Variants in CSMD1 observed in about 807,000 individuals in gnomAD.
CSMD1 encodes CUB and sushi domain-containing protein 1.
In CSMD1, 213 loss-of-function variants were observed where a neutral mutation model predicts 417.5. The ratio of observed to expected loss-of-function variants is 0.51; its 90% CI spans 0.46 to 0.57. The LOEUF (loss-of-function observed/expected upper bound fraction) is 0.57. CSMD1 is among the 20% of genes least tolerant of loss of function. The pLI is 0.00. For synonymous variants in CSMD1, 2,862 were observed against 1,736.8 expected (o/e 1.65, Z -16.11); for missense variants, 6,923 against 4,529.7 (o/e 1.53, Z -15.17).
chr8:4,804,326 A>G (rs1798469402), intron 1 of CSMD1, among the ~76,000 whole-genome samples: 1 of 152,218 alleles, frequency 6.6e-6, no homozygotes, highest in Non-Finnish European at 1.5e-5. Flanking sequence ...AACTCATGCT[A>G]TGGAATGTTC....
intron 54 of CSMD1, among the ~76,000 whole-genome samples, chr8:2,993,188 C>T (rs368946399): frequency 3.3e-5 from 5 of 152,046 alleles, no homozygotes; most frequent in South Asian, 4.1e-4. Flanking sequence ...ATTTTACGTG[C>T]GTTTTAAAAC....
At chr8:2,973,392 A>C (rs1436416495) in intron 56 of CSMD1, 93 bp from the exon 57 acceptor site, 4 of 1,313,560 alleles carry the variant, frequency 3.0e-6, no homozygotes, top group Admixed American at 4.3e-5. Context: ...AAGTTGTTGA[A>C]ATTTGTGTTT....
intron 2 of CSMD1, among the ~76,000 whole-genome samples, chr8:4,587,046 T>C (rs928978697): frequency 6.6e-6 from 1 of 152,220 alleles, no homozygotes; most frequent in African/African-American, 2.4e-5. Context: ...ATGAATGCTT[T>C]CATCTCTTTT....
chr8:3,441,066 G>C (rs978520330), intron 12 of CSMD1, among the ~76,000 whole-genome samples: 2 of 152,162 alleles, frequency 1.3e-5, no homozygotes, highest in African/African-American at 4.8e-5. Context: ...AACACATAGA[G>C]GAGAAAACAG....
In CSMD1 at chr8:3,235,916, G is replaced by GTTTTTTTTTTTTTTT. The variant is rs11414439; in HGVS notation, c.4154-5700_4154-5686dup. Among the ~76,000 whole-genome samples, 20 of 119,342 alleles carry GTTTTTTTTTTTTTTT rather than the reference G, an allele frequency of 1.7e-4. No homozygotes were observed. In the East Asian group the frequency reaches 2.3e-3, roughly 14 times the overall value. The allele number at this position is 119,342 out of a possible 152,430, so 78.3% of individuals were successfully genotyped here. On this transcript the variant is annotated intron_variant, in intron 26 of 69. Coordinates refer to ENST00000635120, the MANE Select transcript of CSMD1 (RefSeq NM_033225.6). Reference sequence around the variant, plus strand: ...TTATGCCAGTTATATGAAGATGTAAGTTTTTTTTTTTTTTTTTTTGAGACA... The same window carrying GTTTTTTTTTTTTTTT: ...TTATGCCAGTTATATGAAGATGTAAGTTTTTTTTTTTTTTTTTTTTTTTTTTTTTTTTTTGAGACA...
At chr8:3,041,365 C>G (rs563308751) in intron 50 of CSMD1, among the ~76,000 whole-genome samples, 9 of 152,176 alleles carry the variant, frequency 5.9e-5, no homozygotes, top group African/African-American at 2.2e-4. Context: ...ATTACTTGTT[C>G]TCTGATCCCA....
chr8:2,951,379 G>A (rs1802620148), intron 65 of CSMD1, 104 bp from the exon 66 acceptor site: 1 of 1,190,402 alleles, frequency 8.4e-7, no homozygotes, highest in Non-Finnish European at 1.1e-6. Flanking sequence ...AGCGATCACA[G>A]ATGAGGGCAG....
intron 2 of CSMD1, among the ~76,000 whole-genome samples, chr8:4,489,176 T>C (rs1475453610): frequency 1.3e-5 from 2 of 152,174 alleles, no homozygotes; most frequent in Non-Finnish European, 2.9e-5. Flanking sequence ...CCTCCCAAAA[T>C]GCTGGGATAA....
chr8:3,032,820 C>T (rs1810431663), intron 50 of CSMD1, among the ~76,000 whole-genome samples: 2 of 152,066 alleles, frequency 1.3e-5, no homozygotes, highest in South Asian at 4.1e-4. Flanking sequence ...CAAAATTTCA[C>T]TTGCACACCC....
At chr8:4,889,992 A>T (rs1021505636) in intron 1 of CSMD1, among the ~76,000 whole-genome samples, 1 of 152,138 alleles carries the variant, frequency 6.6e-6, no homozygotes, top group Non-Finnish European at 1.5e-5. Context: ...GAAATATATG[A>T]CTTCAGGTAT....
At chr8:4,189,075 C>G (rs1584987723) in intron 3 of CSMD1, among the ~76,000 whole-genome samples, 1 of 152,156 alleles carries the variant, frequency 6.6e-6, no homozygotes, top group Non-Finnish European at 1.5e-5. Context: ...AGTTAATTAT[C>G]TAGTAATGAA....
At chr8:4,002,216 T>C (rs941048595) in intron 4 of CSMD1, among the ~76,000 whole-genome samples, 1 of 140,186 alleles carries the variant, frequency 7.1e-6, no homozygotes, top group Non-Finnish European at 1.6e-5. Flanking sequence ...TGTGTGTGTG[T>C]GAGTGTGTGT....
chr8:3,651,803 A>C (rs1797871087), intron 7 of CSMD1, among the ~76,000 whole-genome samples: 1 of 150,348 alleles, frequency 6.7e-6, no homozygotes, highest in East Asian at 2.0e-4. Context: ...CCACCATCGC[A>C]CTTACCACCA....
intron 26 of CSMD1, among the ~76,000 whole-genome samples, chr8:3,262,308 A>C (rs1801140949): frequency 6.9e-6 from 1 of 145,686 alleles, no homozygotes; most frequent in South Asian, 2.2e-4. Context: ...TGTATTTCTG[A>C]ATGTACCTTT....
chr8:4,732,173 G>A (rs770963611), intron 1 of CSMD1, among the ~76,000 whole-genome samples: 6 of 152,096 alleles, frequency 3.9e-5, no homozygotes, highest in Non-Finnish European at 5.9e-5. Flanking sequence ...GTGCAAAAGC[G>A]TTCGGTAGCA....
chr8:3,514,594 T>C (rs1385884018), intron 10 of CSMD1, among the ~76,000 whole-genome samples: 1 of 152,226 alleles, frequency 6.6e-6, no homozygotes, highest in Admixed American at 6.5e-5. Context: ...TATTTAAGTG[T>C]ATTTGTTTTA....
intron 1 of CSMD1, among the ~76,000 whole-genome samples, chr8:4,864,855 A>T (rs2116888335): frequency 7.1e-6 from 1 of 141,448 alleles, no homozygotes; most frequent in East Asian, 2.1e-4. Context: ...GCCTAATATC[A>T]CTGAAATATT....
At chr8:4,822,971 G>C (rs192274091) in intron 1 of CSMD1, among the ~76,000 whole-genome samples, 1 of 152,160 alleles carries the variant, frequency 6.6e-6, no homozygotes, top group Non-Finnish European at 1.5e-5. Context: ...ATCCCATCTA[G>C]CAACCATTTG....
chr8:3,658,418 T>C (rs2469383), intron 7 of CSMD1, among the ~76,000 whole-genome samples: 39,175 of 148,764 alleles, frequency 0.26, 5,253 homozygotes, highest in East Asian at 0.36. Context: ...ATGTTAGTAA[T>C]GTTTTGTTTT....
Sources: allele counts gnomAD v4.1 joint callset (sites outside exome capture counted in the v4.1 genomes callset), GRCh38; gene constraint gnomAD v4.1.1; transcripts MANE v1.5; gene names NCBI Gene and HGNC (gene_info 2026-07-23, HGNC 2026-07-21).